The following PTPRG variants were observed in gnomAD, a reference collection of about 807,000 sequenced individuals.
PTPRG encodes receptor-type tyrosine-protein phosphatase gamma.
In PTPRG, 102 loss-of-function variants were observed where a neutral mutation model predicts 165.3. The observed-to-expected ratio is 0.62, with a 90% CI of 0.53 to 0.73. PTPRG has a LOEUF of 0.73. PTPRG is among the 30% of genes least tolerant of loss of function. PTPRG has a pLI of 0.00. For missense variants in PTPRG, 1,866 were observed against 1,861.4 expected (o/e 1.00, Z -0.05); for synonymous variants, 675 against 669.5 (o/e 1.01, Z -0.13).
At chr3:61,596,790 T>C (rs1487009159) in intron 1 of PTPRG, among the ~76,000 whole-genome samples, 1 of 152,130 alleles carries the variant, frequency 6.6e-6, no homozygotes, top group Non-Finnish European at 1.5e-5. Flanking sequence ...TTATTATTAT[T>C]ATTATTATTA....
intron 1 of PTPRG, among the ~76,000 whole-genome samples, chr3:61,634,515 G>T (rs947579920): frequency 6.6e-6 from 1 of 151,810 alleles, no homozygotes; most frequent in African/African-American, 2.4e-5. Context: ...GGGATTACAG[G>T]CGCGTGAGCC....
At chr3:61,827,085 G>T (rs1365943637) in intron 2 of PTPRG, among the ~76,000 whole-genome samples, 2 of 152,174 alleles carry the variant, frequency 1.3e-5, no homozygotes, top group African/African-American at 2.4e-5. Context: ...ATCTTTCAGA[G>T]TAAGGGCATG....
chr3:61,891,042 G>C (rs1440596318), intron 2 of PTPRG, among the ~76,000 whole-genome samples: 1 of 152,050 alleles, frequency 6.6e-6, no homozygotes, highest in Non-Finnish European at 1.5e-5. Flanking sequence ...TTTTAAGGCT[G>C]GTTGCGGTGG....
At chr3:61,947,773 C>G (rs1020938806) in intron 2 of PTPRG, among the ~76,000 whole-genome samples, 1 of 152,164 alleles carries the variant, frequency 6.6e-6, no homozygotes, top group Admixed American at 6.5e-5. Flanking sequence ...TCTTCTCTCC[C>G]TAAAATTTCT....
At chr3:61,674,265 T>G (rs986122923) in intron 1 of PTPRG, among the ~76,000 whole-genome samples, 4 of 151,876 alleles carry the variant, frequency 2.6e-5, no homozygotes, top group African/African-American at 9.7e-5. Flanking sequence ...TTGCCTTGAG[T>G]AGAAAGATCT....
chr3:62,083,551 C>A (rs1045040789), intron 5 of PTPRG, among the ~76,000 whole-genome samples: 2 of 152,184 alleles, frequency 1.3e-5, no homozygotes, highest in African/African-American at 4.8e-5. Context: ...GAAATAGAAT[C>A]AGTGGAATAA....
At chr3:62,225,158 G>A (rs2106904699) in intron 13 of PTPRG, among the ~76,000 whole-genome samples, 1 of 152,278 alleles carries the variant, frequency 6.6e-6, no homozygotes, top group South Asian at 2.1e-4. Flanking sequence ...TAAGATGGTA[G>A]TAAAACATAC....
chr3:61,561,853 C>A lies in PTPRG; in HGVS notation c.-435C>A. On this transcript the variant is annotated 5_prime_UTR_variant, in exon 1 of 30. Transcript: ENST00000474889. ...CTGCCTGCCTGAAGCCCGGAGACGCCGCGCCGCGCTCAGCCCCGCCGCCGC... is the reference window on the plus strand; with the variant it reads ...CTGCCTGCCTGAAGCCCGGAGACGCAGCGCCGCGCTCAGCCCCGCCGCCGC... 1 of 154,092 alleles carries A rather than the reference C, an allele frequency of 6.5e-6. No homozygotes were observed. Among genetic ancestry groups the A allele is most frequent in the South Asian group, 1.8e-4 (1 of 5,550 alleles). The allele number at this position is 154,092 out of a possible 1,614,324, so 9.5% of individuals were successfully genotyped here. A position where few individuals can be genotyped will look rare whatever the true frequency, so the allele number is the denominator to read the frequency against.
chr3:61,860,984 C>T (rs930170085), intron 2 of PTPRG, among the ~76,000 whole-genome samples: 11 of 152,068 alleles, frequency 7.2e-5, no homozygotes, highest in Non-Finnish European at 5.9e-5. Context: ...GTCCCCAACC[C>T]GGGCAACCAC....
At position 62,297,501 on chromosome 3, in the gene PTPRG, A is replaced by G. The variant is rs1166544369; in HGVS notation, c.*4194A>G. 6.6e-6 allele frequency: 1 copy of G among 150,518 alleles called. No homozygotes were observed. Among genetic ancestry groups the G allele is most frequent in the East Asian group, 2.0e-4 (1 of 5,104 alleles). 9.3% of individuals were successfully genotyped at this position (150,518 alleles called of 1,614,324 possible). A position where few individuals can be genotyped will look rare whatever the true frequency, so the allele number is the denominator to read the frequency against. On this transcript the variant is annotated 3_prime_UTR_variant, in exon 30 of 30. Coordinates refer to ENST00000474889, the MANE Select transcript of PTPRG (RefSeq NM_002841.4). The stretch of plus-strand genomic sequence containing the variant: ...AGGGGGAGGGGTTTTGTAACCTGAA[A>G]TTTTTCCCTTTTTCTTCTGTTTAAA...
intron 5 of PTPRG, among the ~76,000 whole-genome samples, chr3:62,092,063 G>GACACACAC (rs58689072): frequency 1.7e-5 from 2 of 114,874 alleles, no homozygotes; most frequent in African/African-American, 6.9e-5. Flanking sequence ...CTTATACATG[G>GACACACAC]ACACACACAC....
In PTPRG at chr3:61,779,171, CT is replaced by C. The variant is rs2034472855; in HGVS notation, c.190+30190del. 2.0e-5 allele frequency among the ~76,000 whole-genome samples: 3 copies of C among 152,136 alleles called. No homozygotes were observed. The South Asian group carries it at 6.2e-4, about 32-fold the overall frequency. ...CAGTCATGTTGCTCTTTTGAGATAC[CT>C]CATTTTGGCCATAGATTAAAATGCA... On this transcript the variant is annotated intron_variant, in intron 2 of 29. Coordinates refer to ENST00000474889, the MANE Select transcript of PTPRG (RefSeq NM_002841.4).
intron 1 of PTPRG, chr3:61,739,325 G>T (rs1575622544): frequency 6.6e-6 from 1 of 152,220 alleles, no homozygotes; most frequent in Admixed American, 6.5e-5. Flanking sequence ...TTGGGAACAT[G>T]ATTTTATCTT....
intron 13 of PTPRG, among the ~76,000 whole-genome samples, chr3:62,226,230 G>A (rs1279486809): frequency 6.6e-6 from 1 of 152,180 alleles, no homozygotes; most frequent in Non-Finnish European, 1.5e-5. Flanking sequence ...ATGCCTGGTG[G>A]CATATACTTC....
intron 2 of PTPRG, among the ~76,000 whole-genome samples, chr3:61,774,893 C>A (rs1412542668): frequency 6.6e-6 from 1 of 152,128 alleles, no homozygotes; most frequent in African/African-American, 2.4e-5. Flanking sequence ...TGTGTTTGAC[C>A]TTTTCCCAAA....
chr3:62,100,635 G>A (rs549044000), intron 5 of PTPRG, among the ~76,000 whole-genome samples: 79 of 152,338 alleles, frequency 5.2e-4, no homozygotes, highest in Admixed American at 1.2e-3. Flanking sequence ...ACACAGGAAT[G>A]TATGATTTGA....
chr3:62,268,962 G>T, intron 19 of PTPRG, 73 bp from the exon 20 acceptor site: 2 of 1,389,534 alleles, frequency 1.4e-6, no homozygotes, highest in Non-Finnish European at 1.9e-6. Flanking sequence ...TAACATTGTC[G>T]TTTGAAATTA....
intron 1 of PTPRG, among the ~76,000 whole-genome samples, chr3:61,701,801 G>A (rs572213770): frequency 1.3e-5 from 2 of 152,242 alleles, no homozygotes; most frequent in South Asian, 4.2e-4. Flanking sequence ...GGAAGCTGAG[G>A]TGGGAGGATC....
intron 16 of PTPRG, chr3:62,261,708 A>C (rs577654456): frequency 3.5e-4 from 54 of 152,132 alleles, no homozygotes; most frequent in African/African-American, 1.2e-3. Flanking sequence ...GAACACACAG[A>C]AATTCTTTGC....
Sources: allele counts gnomAD v4.1 joint callset (sites outside exome capture counted in the v4.1 genomes callset), GRCh38; gene constraint gnomAD v4.1.1; transcripts MANE v1.5; gene names NCBI Gene and HGNC (gene_info 2026-07-23, HGNC 2026-07-21).